IGF2BP1: variants seen among roughly 807,000 people sequenced by gnomAD.
The protein encoded by IGF2BP1 is insulin-like growth factor 2 mRNA-binding protein 1.
Under a neutral mutation model 74.9 loss-of-function variants are expected in IGF2BP1, and 11 were observed. The observed-to-expected ratio is 0.15, with a 90% confidence interval of 0.09 to 0.24. The LOEUF is 0.24. Among genes scored for constraint, IGF2BP1 ranks in the 10% least tolerant of loss-of-function variants. The pLI is 1.00. For synonymous variants in IGF2BP1, 287 were observed against 281.8 expected (o/e 1.02, Z -0.18); for missense variants, 440 against 757.4 (o/e 0.58, Z 4.92).
intron 2 of IGF2BP1, among the ~76,000 whole-genome samples, chr17:49,003,128 C>T (rs1314667966): frequency 6.6e-6 from 1 of 152,116 alleles, no homozygotes; most frequent in Non-Finnish European, 1.5e-5. Flanking sequence ...GTTTTAATGG[C>T]ACAGCTTTTG....
At chr17:49,005,298 T>C (rs981796797) in intron 2 of IGF2BP1, among the ~76,000 whole-genome samples, 4 of 152,254 alleles carry the variant, frequency 2.6e-5, no homozygotes, top group African/African-American at 9.6e-5. Flanking sequence ...AATGTAACTG[T>C]GTGCAGAACA....
At chr17:49,016,220 G>C (rs1482913766) in intron 2 of IGF2BP1, among the ~76,000 whole-genome samples, 1 of 152,188 alleles carries the variant, frequency 6.6e-6, no homozygotes, top group African/African-American at 2.4e-5. Flanking sequence ...TACTAGTCCT[G>C]CCTCCAAGTT....
In IGF2BP1 at chr17:48,997,617, G is replaced by T; in HGVS notation, c.-129G>T. 1 of 986,288 alleles carries T rather than the reference G, an allele frequency of 1.0e-6. No individual in the cohort carries two copies. Among genetic ancestry groups the T allele is most frequent in the Non-Finnish European group, 1.5e-6 (1 of 672,128 alleles). 61.1% of individuals were successfully genotyped at this position (986,288 alleles called of 1,614,324 possible). ...CCGCCCTGGGCTCGGGACAACTTCT[G>T]GGGTGGGGTGCAAAGAAAGTTTGCG... On this transcript the variant is annotated 5_prime_UTR_variant, in exon 1 of 15. Coordinates refer to ENST00000290341, the MANE Select transcript of IGF2BP1 (RefSeq NM_006546.4). The surrounding 1 kb of genome is among the most constrained non-coding windows in gnomAD (Gnocchi z 4.8).
chr17:49,019,775 ACTCT>A (rs1341899075), intron 2 of IGF2BP1, among the ~76,000 whole-genome samples: 1 of 149,234 alleles, frequency 6.7e-6, no homozygotes, highest in African/African-American at 2.5e-5. Context: ...ACAGGATCTC[ACTCT>A]CTCACCCAGG....
At chr17:49,002,476 A>G (rs56197164) in intron 2 of IGF2BP1, among the ~76,000 whole-genome samples, 119 of 152,234 alleles carry the variant, frequency 7.8e-4, no homozygotes, top group African/African-American at 2.8e-3. Context: ...CTGAAAATGA[A>G]TGAAGAGGGG....
chr17:49,006,919 T>C (rs2041557363), intron 2 of IGF2BP1, among the ~76,000 whole-genome samples: 1 of 152,164 alleles, frequency 6.6e-6, no homozygotes, highest in Admixed American at 6.5e-5. Context: ...ATAATGCTAT[T>C]AATTGTTCTT....
intron 2 of IGF2BP1, among the ~76,000 whole-genome samples, chr17:49,016,386 T>G (rs559771895): frequency 1.3e-5 from 2 of 152,262 alleles, no homozygotes; most frequent in Admixed American, 1.3e-4. Flanking sequence ...GGTGACAGAT[T>G]AAGGTGTGTG....
Position 48,997,961 on chromosome 17 carries a change from C to T in IGF2BP1, c.175+41C>T. The T allele has an allele frequency of 1.3e-6, 2 of 1,597,158 alleles. No individual in the cohort carries two copies. Among genetic ancestry groups the T allele is most frequent in the Non-Finnish European group, 8.5e-7 (1 of 1,170,162 alleles). The stretch of plus-strand genomic sequence containing the variant: ...CCTCCCGGAAAAGCCACAACGAGAG[C>T]CCCGAACAACGGAGACCCGCACCTT... On this transcript the variant is annotated intron_variant, in intron 1 of 14. Transcript: ENST00000290341. This position sits in a 1 kb window ranked among gnomAD's most constrained non-coding sequence, Gnocchi z 4.8.
intron 5 of IGF2BP1, chr17:49,036,327 A>C (rs2041987405): frequency 6.6e-6 from 1 of 152,114 alleles, no homozygotes. Context: ...CTCTGGAAGG[A>C]GAGGTAGCAC....
rs1038356966 is a variant in IGF2BP1, at chr17:49,032,927, C to T, written c.401+954C>T. Among the ~76,000 whole-genome samples the T allele has an allele frequency of 2.0e-4, 30 of 151,240 alleles. 1 individual carries two copies. The highest frequency in any genetic ancestry group is 7.0e-4 in the African/African-American group (29 of 41,150). On this transcript the variant is annotated intron_variant, in intron 5 of 14. Transcript: ENST00000290341. ...ACCTCCTGGGCTCAAGCAATCCTCCCACCTCAGCCTCCCAAGTAGGTGGGA... is the reference window on the plus strand; with the variant it reads ...ACCTCCTGGGCTCAAGCAATCCTCCTACCTCAGCCTCCCAAGTAGGTGGGA...
At chr17:49,030,782 A>T (rs1194851723) in intron 4 of IGF2BP1, among the ~76,000 whole-genome samples, 4 of 152,066 alleles carry the variant, frequency 2.6e-5, no homozygotes, top group African/African-American at 9.7e-5. Flanking sequence ...GCATGCCAGC[A>T]CACCCAGCTA....
intron 2 of IGF2BP1, among the ~76,000 whole-genome samples, chr17:49,017,135 C>T (rs1187740222): frequency 2.6e-5 from 4 of 151,992 alleles, no homozygotes; most frequent in Admixed American, 6.6e-5. Flanking sequence ...GGGAGAGGGG[C>T]CAGCTTTGGG....
At chr17:49,025,857 CTT>C (rs797001122) in intron 3 of IGF2BP1, among the ~76,000 whole-genome samples, 191 bp downstream of exon 3, 11 of 94,606 alleles carry the variant, frequency 1.2e-4, no homozygotes, top group African/African-American at 1.7e-4. Flanking sequence ...TCTTTTCTTT[CTT>C]TTTTTTTTTT....
At position 49,049,936 on chromosome 17, in the gene IGF2BP1, C is replaced by T. The variant is rs547477763; in HGVS notation, c.*492C>T. 2 of 153,540 alleles carry T rather than the reference C, an allele frequency of 1.3e-5. No homozygotes were observed. Among genetic ancestry groups the T allele is most frequent in the Admixed American group, 6.4e-5 (1 of 15,550 alleles). The allele number at this position is 153,540 out of a possible 1,614,324, so 9.5% of individuals were successfully genotyped here. A position where few individuals can be genotyped will look rare whatever the true frequency, so the allele number is the denominator to read the frequency against. On this transcript the variant is annotated 3_prime_UTR_variant, in exon 15 of 15. Transcript: ENST00000290341. ...TCTATATTTACACTAATTTTTTTAT[C>T]TTTATTGCTACCAGAAAAAAATGCG...
At chr17:49,043,600 C>T (rs373963827) in intron 10 of IGF2BP1, 50 bp downstream of exon 10, 1 of 1,592,640 alleles carries the variant, frequency 6.3e-7, no homozygotes, top group African/African-American at 1.3e-5. Context: ...TATGTGGCCT[C>T]CCTTAAGGGG....
At chr17:49,032,447 T>C (rs1052174706) in intron 5 of IGF2BP1, among the ~76,000 whole-genome samples, 2 of 145,732 alleles carry the variant, frequency 1.4e-5, no homozygotes, top group Admixed American at 1.3e-4. Flanking sequence ...CTGGTGATAG[T>C]TGTGGGGTCC....
intron 5 of IGF2BP1, among the ~76,000 whole-genome samples, chr17:49,033,411 G>A (rs1464325390): frequency 1.3e-5 from 2 of 150,660 alleles, no homozygotes; most frequent in Non-Finnish European, 3.0e-5. Flanking sequence ...GCGTGATCTT[G>A]GCTCACTGCA....
chr17:49,048,766 C>A (rs1237498660), intron 14 of IGF2BP1, among the ~76,000 whole-genome samples: 1 of 152,112 alleles, frequency 6.6e-6, no homozygotes, highest in Non-Finnish European at 1.5e-5. Flanking sequence ...ATTAGATTCT[C>A]ATGGGAGGGC....
chr17:49,019,493 A>T (rs192872689), intron 2 of IGF2BP1, among the ~76,000 whole-genome samples: 47 of 152,304 alleles, frequency 3.1e-4, no homozygotes, highest in African/African-American at 9.9e-4. Flanking sequence ...ATGGAAAGAA[A>T]TATAAACATA....
Sources: gnomAD v4.1 joint callset for allele counts (sites outside exome capture counted in the v4.1 genomes callset) on GRCh38, gnomAD v4.1.1 for gene constraint, Gnocchi (gnomAD v3.1) non-coding constraint, MANE v1.5 for transcripts, NCBI Gene and HGNC (gene_info 2026-07-23, HGNC 2026-07-21) for gene names.